SYT14: variants seen among roughly 807,000 people sequenced by gnomAD.
SYT14 encodes synaptotagmin-14.
Under a neutral mutation model 74.2 loss-of-function variants are expected in SYT14, and 32 were observed. The observed-to-expected ratio is 0.43, with a 90% CI of 0.33 to 0.58. The LOEUF is 0.58. Ranked by LOEUF, SYT14 falls within the 20% of genes least tolerant of loss-of-function variation. The pLI, the probability that SYT14 is intolerant of heterozygous loss-of-function variation, is 0.05. For missense variants in SYT14, 791 were observed against 981.8 expected (o/e 0.81, Z 2.60); for synonymous variants, 298 against 337.7 (o/e 0.88, Z 1.29).
At chr1:210,048,244 A>G (rs1008556831) in intron 5 of SYT14, among the ~76,000 whole-genome samples, 2 of 152,122 alleles carry the variant, frequency 1.3e-5, no homozygotes, top group African/African-American at 2.4e-5. Context: ...AAATTGGGCT[A>G]TCAATTGTTC....
At chr1:210,049,129 C>G (rs2080941045) in intron 5 of SYT14, among the ~76,000 whole-genome samples, 1 of 152,206 alleles carries the variant, frequency 6.6e-6, no homozygotes, top group Non-Finnish European at 1.5e-5. Flanking sequence ...GTGTCTGCGG[C>G]TTTTCCAGGC....
At chr1:210,087,956 CTG>C (rs1338631137) in intron 5 of SYT14, among the ~76,000 whole-genome samples, 30 of 152,142 alleles carry the variant, frequency 2.0e-4, no homozygotes, top group Non-Finnish European at 3.1e-4. Context: ...TTTTTAATGT[CTG>C]TGGGATTTGA....
intron 5 of SYT14, among the ~76,000 whole-genome samples, chr1:210,088,242 C>T (rs1263014033): frequency 2.0e-5 from 3 of 150,212 alleles, no homozygotes; most frequent in African/African-American, 7.4e-5. Flanking sequence ...GATACATGTG[C>T]AGAACATGCA....
At chr1:210,085,792 T>A (rs2102495460) in intron 5 of SYT14, among the ~76,000 whole-genome samples, 1 of 152,290 alleles carries the variant, frequency 6.6e-6, no homozygotes, top group East Asian at 1.9e-4. Context: ...TTTGCTAAAA[T>A]TTTGTATAGA....
At chr1:209,965,810 G>T in intron 2 of SYT14, 2 of 407,466 alleles carry the variant, frequency 4.9e-6, no homozygotes, top group Non-Finnish European at 4.8e-6. Context: ...TATCCTTTCT[G>T]TGAAATGCCT....
rs1238911450 is a variant in SYT14 at position 210,016,047 on chromosome 1, CCT to C, written c.49_50del (p.Leu17SerfsTer6). 1 of 1,232,064 alleles carries C rather than the reference CCT, an allele frequency of 8.1e-7. No homozygotes were observed. The highest frequency in any genetic ancestry group is 1.0e-6 in the Non-Finnish European group (1 of 987,914). 76.3% of individuals were successfully genotyped at this position (1,232,064 alleles called of 1,614,324 possible). ...TTCCAACAGAATCTGCCTTCAGTGT[CCT>C]CTCTAGTAGACACAATCAGTAGTGC... On this transcript the variant is annotated frameshift_variant, in exon 4 of 10. Coordinates refer to ENST00000637265, the Ensembl canonical transcript of SYT14. LOFTEE classifies it high-confidence loss of function.
chr1:210,147,060 G>A (rs912596942), intron 7 of SYT14, among the ~76,000 whole-genome samples: 43 of 151,922 alleles, frequency 2.8e-4, no homozygotes, highest in African/African-American at 1.0e-3. Context: ...GACAGTAGAT[G>A]CAAGAGAAAG....
At chr1:210,085,445 TC>T (rs111504612) in intron 5 of SYT14, among the ~76,000 whole-genome samples, 9 of 152,202 alleles carry the variant, frequency 5.9e-5, no homozygotes, top group Admixed American at 2.0e-4. Flanking sequence ...TCCTTGTCAT[TC>T]CTGATCTCAG....
chr1:210,080,098 CT>C (rs1348390777), intron 5 of SYT14, among the ~76,000 whole-genome samples: 4 of 152,036 alleles, frequency 2.6e-5, no homozygotes, highest in Non-Finnish European at 5.9e-5. Context: ...TACCAATTAT[CT>C]TTTTAATTTT....
chr1:210,139,791 T>A (rs1044681067), intron 7 of SYT14, among the ~76,000 whole-genome samples: 24 of 152,244 alleles, frequency 1.6e-4, no homozygotes, highest in African/African-American at 5.3e-4. Flanking sequence ...GGCTCATTCA[T>A]GTTTTATCAT....
At chr1:210,075,776 C>G (rs2081489256) in intron 5 of SYT14, among the ~76,000 whole-genome samples, 1 of 152,084 alleles carries the variant, frequency 6.6e-6, no homozygotes, top group Non-Finnish European at 1.5e-5. Flanking sequence ...GAGCCCTTAC[C>G]AGGGACCTGC....
At chr1:210,002,149 G>C (rs1263378447) in intron 2 of SYT14, among the ~76,000 whole-genome samples, 2 of 152,060 alleles carry the variant, frequency 1.3e-5, no homozygotes, top group African/African-American at 2.4e-5. Flanking sequence ...CATTTTTTTA[G>C]TTCTTTTTAA....
At chr1:210,013,243 G>A (rs1434395106) in intron 2 of SYT14, among the ~76,000 whole-genome samples, 3 of 151,866 alleles carry the variant, frequency 2.0e-5, no homozygotes, top group Non-Finnish European at 4.4e-5. Context: ...GCTAATTTTT[G>A]CATTTTTAGT....
chr1:210,017,033 A>G (rs2080198968), exon 4 of SYT14: 3 of 1,231,724 alleles, frequency 2.4e-6, no homozygotes, highest in Middle Eastern at 3.1e-4. Flanking sequence ...AACTGAGGCC[A>G]TTTCTGCCAA....
chr1:210,098,659 G>A (rs937820130), intron 6 of SYT14, among the ~76,000 whole-genome samples: 1 of 151,728 alleles, frequency 6.6e-6, no homozygotes, highest in East Asian at 1.9e-4. Flanking sequence ...TAATAGAGGC[G>A]CTGAAGTATA....
chr1:210,140,776 G>T (rs1307068077), intron 7 of SYT14, among the ~76,000 whole-genome samples: 1 of 151,924 alleles, frequency 6.6e-6, no homozygotes, highest in Non-Finnish European at 1.5e-5. Flanking sequence ...ATTTATTTGT[G>T]TTGGCACCCT....
rs1021588155 is a variant in SYT14, at chr1:209,979,216, A to C, written c.-486+26460A>C. On this transcript the variant is annotated intron_variant, in intron 2 of 9. Coordinates refer to ENST00000637265, the Ensembl canonical transcript of SYT14. ...GGGTGCACTGCACCCACTGTCCTGC[A>C]CCCACTTTCTGACACTCCCCAGTGA... 2.0e-5 allele frequency among the ~76,000 whole-genome samples: 3 copies of C among 152,202 alleles called. No homozygotes were observed. In the East Asian group the frequency reaches 5.8e-4, roughly 30 times the overall value.
chr1:210,078,985 G>A (rs1179775074), intron 5 of SYT14, among the ~76,000 whole-genome samples: 2 of 151,892 alleles, frequency 1.3e-5, no homozygotes, highest in African/African-American at 2.4e-5. Context: ...GGACACATGA[G>A]CTCAAGCGAT....
At chr1:210,002,136 A>G (rs781592714) in intron 2 of SYT14, among the ~76,000 whole-genome samples, 3 of 152,152 alleles carry the variant, frequency 2.0e-5, no homozygotes, top group African/African-American at 7.2e-5. Flanking sequence ...CATAAGAACT[A>G]TACATTTTTT....
Sources: gnomAD v4.1 joint callset for allele counts (sites outside exome capture counted in the v4.1 genomes callset) on GRCh38, gnomAD v4.1.1 for gene constraint, MANE v1.5 for transcripts, NCBI Gene and HGNC (gene_info 2026-07-23, HGNC 2026-07-21) for gene names.